The following FGFBP2 variants were observed in gnomAD, a reference collection of about 807,000 sequenced individuals.
FGFBP2 encodes the protein fibroblast growth factor-binding protein 2.
Under a neutral mutation model 7.3 loss-of-function variants are expected in FGFBP2, and 7 were observed. The observed-to-expected ratio is 0.96, with a 90% CI of 0.55 to 1.81. FGFBP2 has a LOEUF of 1.81. FGFBP2 is among the 40% of genes most tolerant of loss of function. The probability of loss-of-function intolerance (pLI) is 0.00; values close to 1 mark genes in which losing one functional copy is unlikely to be tolerated. For missense variants in FGFBP2, 291 were observed against 280.1 expected (o/e 1.04, Z -0.28); for synonymous variants, 131 against 110.2 (o/e 1.19, Z -1.18).
rs1220297112 is a variant in FGFBP2 at position 15,963,133 on chromosome 4, G to A, written c.-4C>T. The A allele has an allele frequency of 3.8e-6, 6 of 1,582,210 alleles. No homozygotes were observed. The highest frequency in any genetic ancestry group is 4.5e-5 in the East Asian group (2 of 44,626). On this transcript the variant is annotated 5_prime_UTR_variant, in exon 1 of 2. Coordinates refer to ENST00000259989, the MANE Select transcript of FGFBP2 (RefSeq NM_031950.4). ...GGAGGCAGGGGACGAACTTCATGGC[G>A]ATACTCCGATAAACTTGCTTGCAAC...
At position 15,963,096 on chromosome 4, in the gene FGFBP2, A is replaced by T; in HGVS notation, c.34T>A (p.Leu12Met). The change falls in exon 1 of 2, where the codon TTG becomes ATG. Residue 12 changes from leucine to methionine, a missense_variant. Leu to Met is a conservative substitution (Grantham distance 15). Transcript: ENST00000259989. ...TGACCCAAAGTCCCCAGGCAGGACA[A>T]GGTCACCAGCAGGAGGCAGGGGACG... ...KFVPCLLLVT[L>M]SCLGTLGQAP... 6.2e-7 allele frequency: 1 copy of T among 1,608,666 alleles called. No homozygotes were observed. Among genetic ancestry groups the T allele is most frequent in the Non-Finnish European group, 8.5e-7 (1 of 1,176,548 alleles).
At chr4:15,962,223 T>C (rs2148950223) in intron 1 of FGFBP2, among the ~76,000 whole-genome samples, 1 of 152,050 alleles carries the variant, frequency 6.6e-6, no homozygotes, top group South Asian at 2.1e-4. Context: ...TCCTTGTAGG[T>C]GATTCCTATG....
intron 1 of FGFBP2, among the ~76,000 whole-genome samples, chr4:15,962,002 A>G (rs1359345400): frequency 6.6e-6 from 1 of 152,142 alleles, no homozygotes; most frequent in Non-Finnish European, 1.5e-5. Context: ...GCTGCAGCAA[A>G]TGCTTGGTTC....
chr4:15,962,472 A>G lies in FGFBP2; in HGVS notation c.658T>C (p.Phe220Leu), dbSNP rs1713111080. 2.6e-6 allele frequency: 4 copies of G among 1,561,946 alleles called. No homozygotes were observed. In the South Asian group the frequency reaches 3.6e-5, roughly 14 times the overall value. The change falls in exon 1 of 2, where the codon TTC becomes CTC. Residue 220 changes from phenylalanine (F) to leucine (L), a missense_variant. Physicochemically the swap from Phe to Leu is conservative, Grantham distance 22. Transcript: ENST00000259989. ...TCTTTCACCTGTCACCCTCGGAAGAAGCTGATGAGAAAGGCGCACAGGGCC... is the reference window on the plus strand; with the variant it reads ...TCTTTCACCTGTCACCCTCGGAAGAGGCTGATGAGAAAGGCGCACAGGGCC... ...FQALCAFLIS[F>L]FRG
intron 1 of FGFBP2, among the ~76,000 whole-genome samples, chr4:15,961,583 T>C (rs903596968): frequency 7.9e-5 from 12 of 152,186 alleles, no homozygotes; most frequent in African/African-American, 2.9e-4. Context: ...CTTACATAGA[T>C]AATATGAAAA....
In FGFBP2 at chr4:15,962,815, C is replaced by G. The variant is rs113930192; in HGVS notation, c.315G>C (p.Ala105=). The change falls in exon 1 of 2, where the codon GCG becomes GCC. Residue 105 remains alanine (A), a synonymous_variant. Transcript: ENST00000259989. ...GCCTAAGCACCGGGGCCCCCTGGCA[C>G]GCATGGTGAAGGCGCCTCAGCTCCT... is the stretch of plus-strand genomic sequence containing the variant. The part of the protein sequence containing the change: ...ALQELRRLHH[A]CQGAPVLRPS... 1.3e-6 allele frequency: 2 copies of G among 1,572,186 alleles called. No homozygotes were observed.
Position 15,962,494 on chromosome 4 carries a change from G to A in FGFBP2, c.636C>T (p.Ala212=). The stretch of plus-strand genomic sequence containing the variant: ...AGAAGCTGATGAGAAAGGCGCACAG[G>A]GCCTGGAAGGGTTTCCAACAATGTT... ...AWEHCWKPFQ[A]LCAFLISFFR... is the part of the protein sequence containing the mutation. The change falls in exon 1 of 2, where the codon GCC becomes GCT. Residue 212 remains alanine (A), a synonymous_variant. Coordinates refer to ENST00000259989, the MANE Select transcript of FGFBP2 (RefSeq NM_031950.4). The A allele has an allele frequency of 6.3e-7, 1 of 1,589,336 alleles. No homozygotes were observed. Among genetic ancestry groups the A allele is most frequent in the Non-Finnish European group, 8.6e-7 (1 of 1,165,592 alleles).
chr4:15,962,336 G>A, intron 1 of FGFBP2, 102 bp downstream of exon 1: 1 of 1,025,612 alleles, frequency 9.8e-7, no homozygotes. Flanking sequence ...AGACTCTGAT[G>A]TGGTCGCAGC....
chr4:15,961,308 A>C (rs1162967325), intron 1 of FGFBP2, among the ~76,000 whole-genome samples: 1 of 152,022 alleles, frequency 6.6e-6, no homozygotes, highest in Non-Finnish European at 1.5e-5. Context: ...GAAAGACCAA[A>C]AAAATCACTT....
intron 1 of FGFBP2, among the ~76,000 whole-genome samples, chr4:15,961,695 C>T (rs1713088844): frequency 6.6e-6 from 1 of 152,170 alleles, no homozygotes; most frequent in African/African-American, 2.4e-5. Flanking sequence ...AAAGCTGCTA[C>T]ATTTAAGGAT....
At chr4:15,961,345 C>T (rs1713079569) in intron 1 of FGFBP2, among the ~76,000 whole-genome samples, 1 of 152,100 alleles carries the variant, frequency 6.6e-6, no homozygotes, top group African/African-American at 2.4e-5. Context: ...AGGACCTCCT[C>T]TCAATAGTAA....
chr4:15,962,138 C>T (rs1713101553), intron 1 of FGFBP2, among the ~76,000 whole-genome samples: 1 of 152,204 alleles, frequency 6.6e-6, no homozygotes, highest in South Asian at 2.1e-4. Flanking sequence ...TAAAAGTCCA[C>T]ATTCCTGCGC....
chr4:15,961,480 C>T (rs1472723020), intron 1 of FGFBP2, among the ~76,000 whole-genome samples: 1 of 152,190 alleles, frequency 6.6e-6, no homozygotes, highest in Non-Finnish European at 1.5e-5. Flanking sequence ...ACATTTCTTG[C>T]TGCCTGGGCG....
chr4:15,963,103 C>T lies in FGFBP2; in HGVS notation c.27G>A (p.Leu9=). 1 of 1,604,160 alleles carries T rather than the reference C, an allele frequency of 6.2e-7. No homozygotes were observed. The highest frequency in any genetic ancestry group is 1.7e-5 in the Admixed American group (1 of 59,268). Residue 9 remains leucine, a synonymous_variant, in exon 1 of 2, where the codon CTG becomes CTA. Coordinates refer to ENST00000259989, the MANE Select transcript of FGFBP2 (RefSeq NM_031950.4). MKFVPCLL[L]VTLSCLGTLG... ...AAGTCCCCAGGCAGGACAAGGTCAC[C>T]AGCAGGAGGCAGGGGACGAACTTCA...
At chr4:15,961,585 A>G (rs1260372044) in intron 1 of FGFBP2, among the ~76,000 whole-genome samples, 1 of 152,232 alleles carries the variant, frequency 6.6e-6, no homozygotes, top group African/African-American at 2.4e-5. Context: ...TACATAGATA[A>G]TATGAAAAAA....
In FGFBP2 at chr4:15,963,156, A is replaced by G. The variant is rs1197739979; in HGVS notation, c.-27T>C. 1 of 1,559,278 alleles carries G rather than the reference A, an allele frequency of 6.4e-7. No individual in the cohort carries two copies. The highest frequency in any genetic ancestry group is 1.8e-5 in the Admixed American group (1 of 54,838). ...GCGATACTCCGATAAACTTGCTTGC[A>G]ACTCTGCACCAGGAGAGAGAACACA... On this transcript the variant is annotated 5_prime_UTR_variant, in exon 1 of 2. Transcript: ENST00000259989.
intron 1 of FGFBP2, among the ~76,000 whole-genome samples, chr4:15,961,696 A>G (rs998241258): frequency 6.6e-6 from 1 of 152,238 alleles, no homozygotes; most frequent in African/African-American, 2.4e-5. Context: ...AAGCTGCTAC[A>G]TTTAAGGATA....
chr4:15,960,926 C>G (rs570068122), intron 1 of FGFBP2, among the ~76,000 whole-genome samples: 1 of 152,290 alleles, frequency 6.6e-6, no homozygotes, highest in East Asian at 1.9e-4. Flanking sequence ...AGAGAGTCCT[C>G]AGAAGACACC....
chr4:15,962,407 C>T (rs754903944), intron 1 of FGFBP2, 31 bp downstream of exon 1: 1 of 1,484,376 alleles, frequency 6.7e-7, no homozygotes, highest in African/African-American at 1.4e-5. Context: ...TACACGTAGT[C>T]TCTGTATATG....
Sources: gnomAD v4.1 joint callset for allele counts (sites outside exome capture counted in the v4.1 genomes callset) on GRCh38, gnomAD v4.1.1 for gene constraint, MANE v1.5 for transcripts, NCBI Gene and HGNC (gene_info 2026-07-23, HGNC 2026-07-21) for gene names.